Variants in GABRG3 observed in about 807,000 individuals in gnomAD.
GABRG3 encodes gamma-aminobutyric acid type A receptor subunit gamma3, also known as gamma-aminobutyric acid receptor subunit gamma-3.
A neutral mutation model predicts 48.8 loss-of-function variants in GABRG3; 25 were observed. The observed-to-expected ratio is 0.51, with a 90% CI of 0.37 to 0.72. The LOEUF is 0.72. Ranked by LOEUF, GABRG3 falls within the 30% of genes least tolerant of loss-of-function variation. The pLI, the probability that GABRG3 is intolerant of heterozygous loss-of-function variation, is 0.00. For missense variants in GABRG3, 394 were observed against 577.9 expected (o/e 0.68, Z 3.26); for synonymous variants, 227 against 217.6 (o/e 1.04, Z -0.38).
chr15:27,176,448 T>G (rs1887748540), intron 3 of GABRG3, among the ~76,000 whole-genome samples: 1 of 152,200 alleles, frequency 6.6e-6, no homozygotes, highest in African/African-American at 2.4e-5. Context: ...GATCTTAAGC[T>G]TAGGACTCTA....
At chr15:26,978,744 T>C (rs771348728) in intron 2 of GABRG3, among the ~76,000 whole-genome samples, 44 of 152,234 alleles carry the variant, frequency 2.9e-4, no homozygotes, top group Admixed American at 6.5e-4. Flanking sequence ...TAATAAATCT[T>C]CAAATTGGAT....
intron 3 of GABRG3, among the ~76,000 whole-genome samples, chr15:27,244,707 C>T (rs1180887901): frequency 6.6e-6 from 1 of 152,080 alleles, no homozygotes; most frequent in East Asian, 1.9e-4. Flanking sequence ...CGCTTGAGCC[C>T]AGGAGTTTGA....
intron 2 of GABRG3, among the ~76,000 whole-genome samples, chr15:27,021,786 C>T (rs1895900378): frequency 6.6e-6 from 1 of 152,142 alleles, no homozygotes; most frequent in Non-Finnish European, 1.5e-5. Flanking sequence ...CAGGCTGCAG[C>T]GAGCCATGAT....
chr15:27,178,727 G>A, intron 3 of GABRG3, among the ~76,000 whole-genome samples: 1 of 152,190 alleles, frequency 6.6e-6, no homozygotes, highest in Non-Finnish European at 1.5e-5. Context: ...CATAGACTGA[G>A]TGGGAAAATA....
intron 5 of GABRG3, among the ~76,000 whole-genome samples, chr15:27,403,481 C>G (rs1036523465): frequency 6.6e-6 from 1 of 152,148 alleles, no homozygotes; most frequent in African/African-American, 2.4e-5. Context: ...CAGCTGAAAA[C>G]CAGACCCAAC....
chr15:27,003,489 T>C (rs930849244), intron 2 of GABRG3, among the ~76,000 whole-genome samples: 1 of 151,984 alleles, frequency 6.6e-6, no homozygotes, highest in African/African-American at 2.4e-5. Flanking sequence ...CCTTAATCCA[T>C]TTAACCCTGA....
At chr15:27,185,878 AT>A (rs1034429842) in intron 3 of GABRG3, among the ~76,000 whole-genome samples, 4 of 151,926 alleles carry the variant, frequency 2.6e-5, no homozygotes, top group Non-Finnish European at 5.9e-5. Flanking sequence ...AATTTTATAT[AT>A]TTTTTCATAC....
intron 5 of GABRG3, among the ~76,000 whole-genome samples, chr15:27,456,521 T>C (rs1270158654): frequency 1.3e-5 from 2 of 152,172 alleles, no homozygotes; most frequent in African/African-American, 2.4e-5. Flanking sequence ...TCAGTTCAGC[T>C]CCTGCTGCAC....
chr15:27,063,599 A>C (rs1425450849), intron 3 of GABRG3, among the ~76,000 whole-genome samples: 1 of 152,358 alleles, frequency 6.6e-6, no homozygotes, highest in East Asian at 1.9e-4. Context: ...CCCTAGAAGC[A>C]GATGCTTCCT....
chr15:26,972,885 C>T (rs1894872693), intron 1 of GABRG3, among the ~76,000 whole-genome samples: 1 of 152,198 alleles, frequency 6.6e-6, no homozygotes, highest in Admixed American at 6.5e-5. Context: ...GACTCACAGG[C>T]AACTCTTTCA....
At chr15:27,068,061 T>C (rs1896767451) in intron 3 of GABRG3, among the ~76,000 whole-genome samples, 1 of 152,158 alleles carries the variant, frequency 6.6e-6, no homozygotes, top group Non-Finnish European at 1.5e-5. Flanking sequence ...TAAGGAGGGA[T>C]CATGGCCATG....
At chr15:27,007,056 A>G (rs1895599434) in intron 2 of GABRG3, among the ~76,000 whole-genome samples, 1 of 151,568 alleles carries the variant, frequency 6.6e-6, no homozygotes, top group Non-Finnish European at 1.5e-5. Flanking sequence ...TAGTGCTGCA[A>G]TGAACATACA....
chr15:27,515,740 G>T (rs1321768386), intron 6 of GABRG3, among the ~76,000 whole-genome samples: 2 of 152,126 alleles, frequency 1.3e-5, no homozygotes, highest in African/African-American at 4.8e-5. Flanking sequence ...GTAAATAATG[G>T]TTTTGAAATA....
intron 5 of GABRG3, chr15:27,366,049 G>A (rs914279949): frequency 3.9e-5 from 6 of 152,166 alleles, no homozygotes; most frequent in African/African-American, 1.4e-4. Flanking sequence ...GAAGAAGAAC[G>A]AAAACTTGCA....
At chr15:27,104,583 C>T (rs549693230) in intron 3 of GABRG3, among the ~76,000 whole-genome samples, 5 of 152,236 alleles carry the variant, frequency 3.3e-5, no homozygotes, top group South Asian at 4.1e-4. Flanking sequence ...CAGACACCAA[C>T]GAGGCATGGC....
chr15:27,326,447 T>C (rs985445763), intron 3 of GABRG3, among the ~76,000 whole-genome samples: 3 of 152,214 alleles, frequency 2.0e-5, no homozygotes, highest in Admixed American at 1.3e-4. Context: ...CCCCATTTTA[T>C]AGATCAGAGA....
chr15:27,019,047 C>T (rs957998345), intron 2 of GABRG3, among the ~76,000 whole-genome samples: 10 of 139,960 alleles, frequency 7.1e-5, no homozygotes, highest in Non-Finnish European at 1.4e-4. Context: ...GTATTTGTTC[C>T]CTAGAGTCTT....
Position 27,539,777 on chromosome 15 carries a change from AG to A in GABRG3, c.*6899del, listed in dbSNP as rs2150869382. The A allele has an allele frequency of 1.3e-5, 2 of 152,272 alleles. No individual in the cohort carries two copies. The highest frequency in any genetic ancestry group is 4.1e-4 in the South Asian group (2 of 4,820). 9.4% of individuals were successfully genotyped at this position (152,272 alleles called of 1,614,324 possible). A position where few individuals can be genotyped will look rare whatever the true frequency, so the allele number is the denominator to read the frequency against. On this transcript the variant is annotated 3_prime_UTR_variant, in exon 10 of 10. Transcript: ENST00000615808. ...CACATCCGCTAGTCCATGCACCTCC[AG>A]GGTGGCCTTGGGAGCTACAGAGAGG...
Position 27,125,612 on chromosome 15 carries a change from G to A in GABRG3, c.270+98791G>A, listed in dbSNP as rs113730794. 9.5e-3 allele frequency among the ~76,000 whole-genome samples: 1,450 copies of A among 152,260 alleles called. 14 individuals are homozygous for A. Among genetic ancestry groups the A allele is most frequent in the Admixed American group, 0.012 (191 of 15,300 alleles). ...ATTCCATAAACATGTACAATTTTAT[G>A]TGTTGACCAAAGATAAAGGAAAAAA... is the stretch of plus-strand genomic sequence containing the variant. On this transcript the variant is annotated intron_variant, in intron 3 of 9. Transcript: ENST00000615808.
Sources: allele counts gnomAD v4.1 joint callset (sites outside exome capture counted in the v4.1 genomes callset), GRCh38; gene constraint gnomAD v4.1.1; transcripts MANE v1.5; gene names NCBI Gene and HGNC (gene_info 2026-07-23, HGNC 2026-07-21).